The following NFXL1 variants were observed in gnomAD, a reference collection of about 807,000 sequenced individuals.
The protein encoded by NFXL1 is NF-X1-type zinc finger protein NFXL1.
A neutral mutation model predicts 123.3 loss-of-function variants in NFXL1; 66 were observed. That is an observed-to-expected ratio of 0.54 (90% CI 0.44 to 0.66). NFXL1 has a LOEUF of 0.66. NFXL1 is among the 30% of genes least tolerant of loss of function. The pLI, the probability that NFXL1 is intolerant of heterozygous loss-of-function variation, is 0.00. For missense variants in NFXL1, 944 were observed against 1,125.6 expected (o/e 0.84, Z 2.31); for synonymous variants, 346 against 360.8 (o/e 0.96, Z 0.46).
intron 5 of NFXL1, among the ~76,000 whole-genome samples, chr4:47,900,273 A>G (rs1444887486): frequency 3.3e-5 from 5 of 152,044 alleles, no homozygotes; most frequent in Non-Finnish European, 7.4e-5. Context: ...ATAGTGGCGC[A>G]ATCTCGGCTC....
rs572684925 is a variant in NFXL1, at chr4:47,851,221, A to G, written c.2509-73T>C. Reference sequence around the variant, plus strand: ...TTATATGGAATTTTAACATCTACCCATCCAGGTTCTATTAACCCATATCAA... The same window carrying G: ...TTATATGGAATTTTAACATCTACCCGTCCAGGTTCTATTAACCCATATCAA... On this transcript the variant is annotated intron_variant, in intron 21 of 22. Transcript: ENST00000507489. The G allele has an allele frequency of 1.3e-4, 136 of 1,070,834 alleles. No homozygotes were observed. In the African/African-American group the frequency reaches 1.8e-3, roughly 14 times the overall value. The allele number at this position is 1,070,834 out of a possible 1,614,324, so 66.3% of individuals were successfully genotyped here.
chr4:47,903,068 T>A, intron 5 of NFXL1, 125 bp downstream of exon 5: 1 of 461,844 alleles, frequency 2.2e-6, no homozygotes, highest in Non-Finnish European at 3.8e-6. Flanking sequence ...GACAGGAGAA[T>A]CTCTTGAACC....
intron 11 of NFXL1, among the ~76,000 whole-genome samples, chr4:47,892,447 G>C (rs1736832639): frequency 6.6e-6 from 1 of 152,182 alleles, no homozygotes; most frequent in African/African-American, 2.4e-5. Flanking sequence ...CTGAGTACTG[G>C]TCTGTATGTG....
chr4:47,885,758 A>G (rs1736392742), intron 13 of NFXL1, 101 bp from the exon 14 acceptor site: 1 of 1,337,790 alleles, frequency 7.5e-7, no homozygotes, highest in East Asian at 2.4e-5. Context: ...TCCATATAGA[A>G]TGAGTATACT....
At chr4:47,892,590 T>A (rs1432132490) in intron 11 of NFXL1, among the ~76,000 whole-genome samples, 2 of 152,178 alleles carry the variant, frequency 1.3e-5, no homozygotes, top group Admixed American at 6.5e-5. Flanking sequence ...TTCTAATACC[T>A]GGGCATCAAG....
chr4:47,903,608 T>C (rs1737440782), intron 4 of NFXL1, among the ~76,000 whole-genome samples: 1 of 152,006 alleles, frequency 6.6e-6, no homozygotes, highest in Admixed American at 6.5e-5. Flanking sequence ...ATTTTTTTCA[T>C]ACTTTTAAAA....
intron 19 of NFXL1, among the ~76,000 whole-genome samples, chr4:47,859,510 A>C (rs1443317233): frequency 6.6e-6 from 1 of 152,200 alleles, no homozygotes; most frequent in African/African-American, 2.4e-5. Context: ...AAAAGCTTGC[A>C]TGGGAATGAG....
chr4:47,858,471 G>C (rs1189116577), intron 19 of NFXL1, among the ~76,000 whole-genome samples: 1 of 152,154 alleles, frequency 6.6e-6, no homozygotes, highest in African/African-American at 2.4e-5. Context: ...CAGTATTTTT[G>C]ATAACAACCA....
At chr4:47,879,993 A>G (rs1156778553) in intron 15 of NFXL1, among the ~76,000 whole-genome samples, 1 of 152,194 alleles carries the variant, frequency 6.6e-6, no homozygotes, top group African/African-American at 2.4e-5. Context: ...ATTTGGGTTT[A>G]ATTATGACTT....
chr4:47,859,643 C>A (rs1577989612), intron 19 of NFXL1, among the ~76,000 whole-genome samples: 2 of 152,050 alleles, frequency 1.3e-5, no homozygotes, highest in East Asian at 3.9e-4. Context: ...GGGTTCAAGA[C>A]CAGCCTAGCC....
intron 10 of NFXL1, 92 bp downstream of exon 10, chr4:47,896,431 A>G: frequency 2.0e-6 from 2 of 987,244 alleles, no homozygotes; most frequent in South Asian, 3.1e-5. Context: ...ATGTATATGA[A>G]AATAAGTAAT....
intron 11 of NFXL1, among the ~76,000 whole-genome samples, chr4:47,891,231 C>T (rs898012674): frequency 6.6e-6 from 1 of 151,702 alleles, no homozygotes; most frequent in Admixed American, 6.6e-5. Context: ...CACACCTCAG[C>T]CTTCTGAGTA....
chr4:47,908,955 A>AAT (rs2110108756), intron 3 of NFXL1, among the ~76,000 whole-genome samples: 1 of 58,480 alleles, frequency 1.7e-5, no homozygotes, highest in South Asian at 5.8e-4. Context: ...ACTCCGTCGC[A>AAT]AAAAAAAAAA....
At chr4:47,874,154 AGGCTGCTT>A (rs1344435739) in intron 18 of NFXL1, among the ~76,000 whole-genome samples, 6 of 152,206 alleles carry the variant, frequency 3.9e-5, no homozygotes, top group African/African-American at 1.4e-4. Flanking sequence ...ATCAGCAATA[AGGCTGCTT>A]TGCTTTCTTA....
At chr4:47,875,408 A>T in intron 17 of NFXL1, 115 bp from the exon 18 acceptor site, 1 of 673,094 alleles carries the variant, frequency 1.5e-6, no homozygotes, top group East Asian at 2.9e-5. Flanking sequence ...TGCAGTTCTT[A>T]GAAACAGAGT....
chr4:47,886,254 CA>C (rs765171271), intron 12 of NFXL1, among the ~76,000 whole-genome samples: 3 of 151,976 alleles, frequency 2.0e-5, no homozygotes, highest in Non-Finnish European at 4.4e-5. Context: ...ATGAAGGATG[CA>C]AGGAAGGTGT....
intron 17 of NFXL1, among the ~76,000 whole-genome samples, chr4:47,877,755 G>A (rs549327540): frequency 3.1e-4 from 47 of 151,936 alleles, no homozygotes; most frequent in African/African-American, 1.1e-3. Flanking sequence ...ACCTAACGAC[G>A]CAACTAAAAT....
intron 4 of NFXL1, among the ~76,000 whole-genome samples, chr4:47,903,970 C>T (rs574659094): frequency 1.3e-5 from 2 of 152,250 alleles, no homozygotes; most frequent in South Asian, 4.1e-4. Flanking sequence ...AAAATCAGTT[C>T]CCCTTTCCTT....
intron 5 of NFXL1, among the ~76,000 whole-genome samples, chr4:47,900,752 A>C (rs1260954154): frequency 6.6e-6 from 1 of 152,216 alleles, no homozygotes; most frequent in Non-Finnish European, 1.5e-5. Context: ...TTAACATTTA[A>C]ATTTCTTTTG....
Sources: allele counts gnomAD v4.1 joint callset (sites outside exome capture counted in the v4.1 genomes callset), GRCh38; gene constraint gnomAD v4.1.1; transcripts MANE v1.5; gene names NCBI Gene and HGNC (gene_info 2026-07-23, HGNC 2026-07-21).